Variants in COL14A1 observed in about 807,000 individuals in gnomAD.
The protein encoded by COL14A1 is collagen alpha-1(XIV) chain.
COL14A1 carries 136 observed loss-of-function variants against 230.3 expected under a neutral mutation model. The ratio of observed to expected loss-of-function variants is 0.59; its 90% CI spans 0.51 to 0.68. The LOEUF is 0.68. COL14A1 is among the 30% of genes least tolerant of loss of function. The pLI is 0.00. For missense variants in COL14A1, 1,976 were observed against 2,215.8 expected (o/e 0.89, Z 2.17); for synonymous variants, 792 against 784.1 (o/e 1.01, Z -0.17).
intron 14 of COL14A1, among the ~76,000 whole-genome samples, chr8:120,219,555 C>T (rs923646746): frequency 3.3e-5 from 5 of 152,170 alleles, no homozygotes; most frequent in African/African-American, 1.2e-4. Context: ...AGCAGACAAG[C>T]TCCCATGGGC....
chr8:120,211,456 T>C (rs1264703756), intron 12 of COL14A1, among the ~76,000 whole-genome samples: 3 of 152,214 alleles, frequency 2.0e-5, no homozygotes, highest in Non-Finnish European at 2.9e-5. Flanking sequence ...ATATTGTTTA[T>C]AGATATATCT....
chr8:120,265,161 G>C (rs763968051), intron 24 of COL14A1, among the ~76,000 whole-genome samples: 1 of 151,982 alleles, frequency 6.6e-6, no homozygotes, highest in Non-Finnish European at 1.5e-5. Context: ...AGTTCACTGT[G>C]GTTCTTCTTA....
intron 34 of COL14A1, 56 bp from the exon 35 acceptor site, chr8:120,297,455 T>C: frequency 2.3e-6 from 2 of 872,130 alleles, no homozygotes; most frequent in East Asian, 3.3e-5. Context: ...ATAAAATCAT[T>C]ATAAAGATAA....
Position 120,247,615 on chromosome 8 carries a change from C to A in COL14A1, c.2482C>A (p.Pro828Thr). 6.2e-7 allele frequency: 1 copy of A among 1,613,836 alleles called. No individual in the cohort carries two copies. The highest frequency in any genetic ancestry group is 8.5e-7 in the Non-Finnish European group (1 of 1,179,914). Reference sequence around the variant, plus strand: ...TTTTCCTTTTCTTTTCTACTCAGTACCATCCTCGGGGCCCCAGAACTTGCG... The same window carrying A: ...TTTTCCTTTTCTTTTCTACTCAGTAACATCCTCGGGGCCCCAGAACTTGCG... ...VSVSAPGKTL[P>T]SSGPQNLRVS... The change falls in exon 21 of 48, where the codon CCA becomes ACA. Residue 828 changes from proline (P) to threonine (T), a missense_variant and splice_region_variant. Pro to Thr is a conservative substitution (Grantham distance 38). Transcript: ENST00000297848.
chr8:120,168,415 C>T (rs939564388), intron 5 of COL14A1, among the ~76,000 whole-genome samples, 168 bp downstream of exon 5: 1 of 152,158 alleles, frequency 6.6e-6, no homozygotes, highest in Non-Finnish European at 1.5e-5. Flanking sequence ...AGATGACCCC[C>T]AACCACTTGG....
At chr8:120,344,904 G>T (rs1822444716) in intron 44 of COL14A1, among the ~76,000 whole-genome samples, 2 of 152,096 alleles carry the variant, frequency 1.3e-5, no homozygotes. Flanking sequence ...CCCAAGTAAA[G>T]GTTCCTAAAA....
chr8:120,130,660 A>G (rs1489331314), intron 1 of COL14A1, among the ~76,000 whole-genome samples: 1 of 152,258 alleles, frequency 6.6e-6, no homozygotes, highest in East Asian at 1.9e-4. Flanking sequence ...AAAGAATTTA[A>G]TGGTAATTAA....
intron 17 of COL14A1, 99 bp from the exon 18 acceptor site, chr8:120,228,611 T>G: frequency 1.2e-4 from 100 of 857,320 alleles, no homozygotes; most frequent in Non-Finnish European, 1.8e-4. Context: ...GGGAGGCAAG[T>G]GAGATAATAT....
At chr8:120,189,138 C>T (rs908122482) in intron 5 of COL14A1, among the ~76,000 whole-genome samples, 3 of 152,308 alleles carry the variant, frequency 2.0e-5, no homozygotes, top group South Asian at 4.1e-4. Context: ...GATTATTGAA[C>T]TTGAACACAG....
At chr8:120,180,648 A>G (rs1816431113) in intron 5 of COL14A1, among the ~76,000 whole-genome samples, 3 of 148,882 alleles carry the variant, frequency 2.0e-5, no homozygotes, top group African/African-American at 7.4e-5. Flanking sequence ...CCAGAGTTTC[A>G]GGTTCCAGAA....
chr8:120,309,980 T>C (rs1820978106), intron 36 of COL14A1, 29 bp from the exon 37 acceptor site: 1 of 1,610,480 alleles, frequency 6.2e-7, no homozygotes, highest in Non-Finnish European at 8.5e-7. Context: ...GATTTGTCTT[T>C]GAGCTAATAC....
rs1027781925 is a variant in COL14A1 at position 120,184,062 on chromosome 8, G to C, written c.437-12729G>C. ...AATGGGAAGAACATCTACCTCATAG[G>C]ATTAATACTGGACTTAGATGAAAAT... On this transcript the variant is annotated intron_variant, in intron 5 of 47. Coordinates refer to ENST00000297848, the MANE Select transcript of COL14A1 (RefSeq NM_021110.4). Among the ~76,000 whole-genome samples the C allele has an allele frequency of 9.2e-5, 14 of 152,050 alleles. 1 individual carries two copies. The highest frequency in any genetic ancestry group is 8.5e-4 in the Admixed American group (13 of 15,264).
intron 5 of COL14A1, among the ~76,000 whole-genome samples, chr8:120,188,464 A>G (rs1563659715): frequency 6.6e-6 from 1 of 152,176 alleles, no homozygotes; most frequent in Non-Finnish European, 1.5e-5. Context: ...TTCTCATCAC[A>G]AAACTCCAGA....
At chr8:120,312,121 T>A (rs1300320753) in intron 37 of COL14A1, among the ~76,000 whole-genome samples, 1 of 151,794 alleles carries the variant, frequency 6.6e-6, no homozygotes, top group Non-Finnish European at 1.5e-5. Context: ...AATATATTAT[T>A]AAACTATTAT....
chr8:120,290,748 G>A (rs1820350133), intron 34 of COL14A1, among the ~76,000 whole-genome samples: 1 of 152,184 alleles, frequency 6.6e-6, no homozygotes, highest in Admixed American at 6.5e-5. Context: ...TAGTACACAG[G>A]AAATAGTCCA....
At chr8:120,293,075 C>A (rs1356414191) in intron 34 of COL14A1, among the ~76,000 whole-genome samples, 1 of 151,968 alleles carries the variant, frequency 6.6e-6, no homozygotes, top group Non-Finnish European at 1.5e-5. Context: ...AAAAGTTTCT[C>A]CTGCATTTTC....
At chr8:120,215,004 G>A (rs1817708515) in intron 13 of COL14A1, among the ~76,000 whole-genome samples, 1 of 152,230 alleles carries the variant, frequency 6.6e-6, no homozygotes, top group Non-Finnish European at 1.5e-5. Flanking sequence ...ACAGCTAGTG[G>A]CATGGAAAAG....
At chr8:120,242,318 CA>C (rs1818628909) in intron 19 of COL14A1, among the ~76,000 whole-genome samples, 2 of 152,218 alleles carry the variant, frequency 1.3e-5, no homozygotes, top group South Asian at 4.1e-4. Flanking sequence ...TACTATAAAT[CA>C]CAGCAACTAT....
intron 41 of COL14A1, among the ~76,000 whole-genome samples, chr8:120,332,409 C>G (rs1241399323): frequency 1.3e-5 from 2 of 152,198 alleles, no homozygotes; most frequent in Non-Finnish European, 2.9e-5. Context: ...GCCAGAAGAT[C>G]ACCTGCATTG....
Sources: gnomAD v4.1 joint callset for allele counts (sites outside exome capture counted in the v4.1 genomes callset) on GRCh38, gnomAD v4.1.1 for gene constraint, MANE v1.5 for transcripts, NCBI Gene and HGNC (gene_info 2026-07-23, HGNC 2026-07-21) for gene names.